Variants in USP9Y observed in about 807,000 individuals in gnomAD.
USP9Y encodes the protein ubiquitin carboxyl-terminal hydrolase 9Y.
A neutral mutation model predicts 53.1 loss-of-function variants in USP9Y; 41 were observed. The observed-to-expected ratio is 0.77, with a 90% CI of 0.60 to 1.00. USP9Y has a LOEUF of 1.00. Ranked by LOEUF, USP9Y falls within the 50% of genes least tolerant of loss-of-function variation. The pLI is 0.00. For missense variants in USP9Y, 567 were observed against 535.8 expected, an observed-to-expected ratio of 1.06 and a Z score of -0.58; for synonymous variants, 220 against 173.7, an observed-to-expected ratio of 1.27 and a Z score of -2.09.
chrY:12,851,764 CT>C, intron 42 of USP9Y, among the ~76,000 whole-genome samples: 1 of 33,277 alleles, frequency 3.0e-5, no homozygotes, highest in African/African-American at 1.2e-4. Flanking sequence ...TTTATTTCTC[CT>C]TCACTTATGA....
At chrY:12,799,842 T>A in intron 27 of USP9Y, among the ~76,000 whole-genome samples, 1 of 33,775 alleles carries the variant, frequency 3.0e-5, no homozygotes, top group African/African-American at 1.2e-4. Context: ...GGAGGGACAA[T>A]GATCGGGATA....
At chrY:12,830,698 C>T (rs1603202828) in intron 33 of USP9Y, among the ~76,000 whole-genome samples, 1 of 33,265 alleles carries the variant, frequency 3.0e-5, no homozygotes, top group Non-Finnish European at 7.4e-5. Context: ...CTTATACCAC[C>T]GCTGTTTAAT....
rs942793882 is a variant in USP9Y, at chrY:12,764,071, T to C, written c.1900+3454T>C. 9.0e-5 allele frequency among the ~76,000 whole-genome samples: 3 copies of C among 33,290 alleles called. No individual in the cohort carries two copies. In the South Asian group the frequency reaches 2.0e-3, roughly 22 times the overall value. The allele number at this position is 33,290 out of a possible 37,273, so 89.3% of individuals were successfully genotyped here. A position where few individuals can be genotyped will look rare whatever the true frequency, so the allele number is the denominator to read the frequency against. On this transcript the variant is annotated intron_variant, in intron 15 of 45. Transcript: ENST00000338981. ...TTTTGAACTGAAGTGATTAATTTCA[T>C]GAAGTTTGTATCTCTTTGACAATGT... is the stretch of plus-strand genomic sequence containing the variant.
intron 1 of USP9Y, among the ~76,000 whole-genome samples, chrY:12,707,154 T>G: frequency 3.0e-5 from 1 of 33,616 alleles, no homozygotes; most frequent in Non-Finnish European, 7.3e-5. Flanking sequence ...GTTTCGCTCT[T>G]GTTGCCCAGG....
At chrY:12,836,127 A>G (rs2053555185) in intron 34 of USP9Y, among the ~76,000 whole-genome samples, 1 of 32,509 alleles carries the variant, frequency 3.1e-5, no homozygotes, top group Non-Finnish European at 7.5e-5. Context: ...GCCACCCCAC[A>G]CCTGGCTCTC....
intron 31 of USP9Y, among the ~76,000 whole-genome samples, chrY:12,815,636 G>A: frequency 3.0e-5 from 1 of 33,523 alleles, no homozygotes; most frequent in African/African-American, 1.2e-4. Context: ...TGTCTCTGTC[G>A]CCCAGGCTGG....
chrY:12,841,333 C>G, intron 37 of USP9Y, among the ~76,000 whole-genome samples, 200 bp downstream of exon 37: 6 of 33,097 alleles, frequency 1.8e-4, no homozygotes, highest in Non-Finnish European at 3.7e-4. Context: ...TGTATCATAT[C>G]TGAGTCTATT....
intron 27 of USP9Y, among the ~76,000 whole-genome samples, chrY:12,797,296 G>A (rs2148287615): frequency 3.0e-5 from 1 of 33,267 alleles, no homozygotes; most frequent in South Asian, 6.9e-4. Context: ...CAAGGTGGTC[G>A]GGGTGCAGCT....
At chrY:12,796,597 A>G in intron 27 of USP9Y, among the ~76,000 whole-genome samples, 1 of 32,721 alleles carries the variant, frequency 3.1e-5, no homozygotes, top group Admixed American at 2.7e-4. Context: ...AAGAAAGTAG[A>G]GGAATAAGAA....
chrY:12,761,092 G>A (rs2053475064), intron 15 of USP9Y, among the ~76,000 whole-genome samples: 1 of 33,960 alleles, frequency 2.9e-5, no homozygotes, highest in African/African-American at 1.2e-4. Flanking sequence ...CTCCTGAGTA[G>A]CTAGGACCAC....
At chrY:12,844,541 A>G (rs2053565036) in intron 39 of USP9Y, among the ~76,000 whole-genome samples, 1 of 33,425 alleles carries the variant, frequency 3.0e-5, no homozygotes, top group South Asian at 6.6e-4. Context: ...AGCAGATATT[A>G]CACAAACATA....
chrY:12,718,935 C>T (rs2053433068), intron 3 of USP9Y, among the ~76,000 whole-genome samples: 1 of 33,737 alleles, frequency 3.0e-5, no homozygotes, highest in Non-Finnish European at 7.4e-5. Context: ...CTAGTTTGTC[C>T]ATTTGCCTGT....
At position 12,736,154 on chromosome Y, in the gene USP9Y, G is replaced by C. The variant is rs772623505; in HGVS notation, c.930G>C (p.Met310Ile). The C allele has an allele frequency of 2.5e-6, 1 of 395,240 alleles. No individual in the cohort carries two copies. The highest frequency in any genetic ancestry group is 3.0e-5 in the South Asian group (1 of 33,304). Reference protein sequence around the residue: ...KNEAKNDALSMIIKSLKNLAS... With the variant: ...KNEAKNDALSIIIKSLKNLAS... ...AAGCCAAAAATGATGCCCTTTCAAT[G>C]ATTATTAAATCTTTGAAGAACTTAG... is the stretch of plus-strand genomic sequence containing the variant. Residue 310 changes from methionine (M) to isoleucine (I), a missense_variant, in exon 9 of 46, where the codon ATG (methionine) becomes ATC (isoleucine). By Grantham distance (10) the Met-to-Ile change is conservative. Transcript: ENST00000338981.
chrY:12,806,709 C>T, intron 27 of USP9Y, among the ~76,000 whole-genome samples: 1 of 33,542 alleles, frequency 3.0e-5, no homozygotes, highest in Non-Finnish European at 7.4e-5. Flanking sequence ...ATTTTGTTAT[C>T]GCTTTCTGGC....
At chrY:12,814,313 G>C (rs2053534143) in intron 31 of USP9Y, among the ~76,000 whole-genome samples, 1 of 28,814 alleles carries the variant, frequency 3.5e-5, no homozygotes, top group Non-Finnish European at 8.3e-5. Flanking sequence ...CGGATCACGA[G>C]GTCAGGAGAT....
intron 15 of USP9Y, among the ~76,000 whole-genome samples, chrY:12,770,365 G>A (rs2053484702): frequency 3.2e-5 from 1 of 31,724 alleles, no homozygotes; most frequent in Non-Finnish European, 7.6e-5. Context: ...AGTCAAGATC[G>A]CACCACTGCA....
At chrY:12,854,592 C>T (rs2053574177) in intron 42 of USP9Y, among the ~76,000 whole-genome samples, 3 of 32,715 alleles carry the variant, frequency 9.2e-5, no homozygotes, top group Non-Finnish European at 2.2e-4. Context: ...TTAGTAGAGA[C>T]GGGGTTTCAC....
intron 25 of USP9Y, among the ~76,000 whole-genome samples, chrY:12,790,750 T>C (rs2053507265): frequency 3.0e-5 from 1 of 33,495 alleles, no homozygotes; most frequent in East Asian, 7.7e-4. Context: ...TTAAATAAGC[T>C]TTCTGAGTTA....
chrY:12,720,816 A>G, intron 4 of USP9Y, 79 bp downstream of exon 4: 1 of 298,046 alleles, frequency 3.4e-6, no homozygotes, highest in Non-Finnish European at 5.1e-6. Flanking sequence ...TGCAACTAGT[A>G]GTAAATGAGA....
Sources: gnomAD v4.1 joint callset for allele counts (sites outside exome capture counted in the v4.1 genomes callset) on GRCh38, gnomAD v4.1.1 for gene constraint, MANE v1.5 for transcripts, NCBI Gene and HGNC (gene_info 2026-07-23, HGNC 2026-07-21) for gene names.